Variants in RTN4 observed in about 807,000 individuals in gnomAD.
The protein encoded by RTN4 is reticulon-4.
Under a neutral mutation model 90.4 loss-of-function variants are expected in RTN4, and 32 were observed. The ratio of observed to expected loss-of-function variants is 0.35; its 90% CI spans 0.27 to 0.48. The LOEUF is 0.48. RTN4 is among the 20% of genes least tolerant of loss of function. RTN4 has a pLI of 0.99. For synonymous variants in RTN4, 629 were observed against 552.5 expected, an observed-to-expected ratio of 1.14 and a Z score of -1.94; for missense variants, 1,706 against 1,430.2, an observed-to-expected ratio of 1.19 and a Z score of -3.11.
Position 55,026,115 on chromosome 2 carries a change from C to A in RTN4, c.1984G>T (p.Ala662Ser). The A allele has an allele frequency of 1.2e-6, 2 of 1,613,408 alleles. No homozygotes were observed. The highest frequency in any genetic ancestry group is 2.2e-5 in the East Asian group (1 of 44,874). Residue 662 changes from alanine to serine, a missense_variant, in exon 3 of 9, where the codon GCC becomes TCC. By Grantham distance (99) the Ala-to-Ser change is moderately conservative. Coordinates refer to ENST00000337526, the MANE Select transcript of RTN4 (RefSeq NM_020532.5). The part of the protein sequence containing the change: ...EPENPPPYEE[A>S]MSVSLKKVSG... ...ACTTTTTTTAGTGATACACTCATGG[C>A]CTCTTCATATGGTGGGGGGTTTTCA...
chr2:55,135,083 T>C, the RTN4 span, among the ~76,000 whole-genome samples: 7 of 152,120 alleles, frequency 4.6e-5, no homozygotes, highest in Non-Finnish European at 8.8e-5. Context: ...CTGGGCAACA[T>C]AGTGAGACTC....
At chr2:55,085,420 C>T (rs1668818954) in intron 1 of RTN4, among the ~76,000 whole-genome samples, 1 of 152,140 alleles carries the variant, frequency 6.6e-6, no homozygotes. Flanking sequence ...GCCTGGAGAC[C>T]TGGAGAGGAG....
At chr2:55,049,574 G>T in intron 1 of RTN4, 171 bp downstream of exon 1, 2 of 1,102,684 alleles carry the variant, frequency 1.8e-6, no homozygotes, top group Non-Finnish European at 2.7e-6. Context: ...TCCAAGGGCC[G>T]CCCCACCCTT....
At chr2:55,107,746 T>C (rs1445162157) in intron 1 of RTN4, among the ~76,000 whole-genome samples, 1 of 152,016 alleles carries the variant, frequency 6.6e-6, no homozygotes, top group African/African-American at 2.4e-5. Context: ...TCTGTGCCAC[T>C]CCCCAGACAA....
chr2:55,053,301 T>C (rs890598880), upstream of RTN4, among the ~76,000 whole-genome samples: 8 of 152,206 alleles, frequency 5.3e-5, no homozygotes, highest in South Asian at 6.2e-4. Context: ...ACTAACAAAA[T>C]TCTGGTGGAC....
rs202240754 is a variant in RTN4 at position 55,025,961 on chromosome 2, G to A, written c.2138C>T (p.Pro713Leu). The A allele has an allele frequency of 1.1e-4, 184 of 1,612,950 alleles. No homozygotes were observed. Among genetic ancestry groups the A allele is most frequent in the Non-Finnish European group, 1.4e-4 (171 of 1,179,794 alleles). ...KETKLSAEPA[P>L]DFSDYSEMAK... Reference sequence around the variant, plus strand: ...CATTTCTGAATAATCAGAGAAATCCGGAGCTGGTTCAGCAGAAAGCTTTGT... The same window carrying A: ...CATTTCTGAATAATCAGAGAAATCCAGAGCTGGTTCAGCAGAAAGCTTTGT... The change falls in exon 3 of 9, where the codon CCG becomes CTG. Residue 713 changes from proline (P) to leucine (L), a missense_variant. Pro to Leu is a moderately conservative substitution (Grantham distance 98). Transcript: ENST00000337526.
At chr2:54,977,249 A>ACT (rs1335850293) in intron 5 of RTN4, among the ~76,000 whole-genome samples, 1 of 151,868 alleles carries the variant, frequency 6.6e-6, no homozygotes, top group East Asian at 1.9e-4. Context: ...GGTAGTTTGG[A>ACT]CTCTCTCTAT....
chr2:55,097,450 G>T (rs1200258624), intron 1 of RTN4, among the ~76,000 whole-genome samples: 1 of 152,066 alleles, frequency 6.6e-6, no homozygotes, highest in Non-Finnish European at 1.5e-5. Context: ...TACTCTAAGA[G>T]AATAATAGAA....
chr2:55,077,815 C>G (rs1426202483), intron 2 of RTN4, among the ~76,000 whole-genome samples: 1 of 147,996 alleles, frequency 6.8e-6, no homozygotes, highest in African/African-American at 2.5e-5. Flanking sequence ...TAATACTACT[C>G]GGCCATAAAA....
intron 3 of RTN4, among the ~76,000 whole-genome samples, chr2:55,019,822 C>T (rs1162041338): frequency 6.6e-6 from 1 of 151,828 alleles, no homozygotes; most frequent in African/African-American, 2.4e-5. Context: ...TAAAGAAAAA[C>T]CTAAAGACTA....
chr2:55,051,134 G>C (rs907466486), upstream of RTN4, among the ~76,000 whole-genome samples: 1 of 152,148 alleles, frequency 6.6e-6, no homozygotes, highest in African/African-American at 2.4e-5. Flanking sequence ...AGTCTAAACC[G>C]CAGCCCCCGA....
intron 1 of RTN4, among the ~76,000 whole-genome samples, chr2:55,043,520 A>C (rs1225102354): frequency 6.6e-6 from 1 of 152,206 alleles, no homozygotes; most frequent in African/African-American, 2.4e-5. Context: ...TCAGAAGTCG[A>C]GGTGGGAGAA....
chr2:55,108,718 G>C (rs1667986702), intron 1 of RTN4, among the ~76,000 whole-genome samples: 3 of 151,936 alleles, frequency 2.0e-5, no homozygotes, highest in Admixed American at 2.0e-4. Context: ...ATTTAGGTTG[G>C]CACAAAAGTA....
chr2:55,093,994 T>C (rs528014115), intron 1 of RTN4, among the ~76,000 whole-genome samples: 10 of 152,342 alleles, frequency 6.6e-5, no homozygotes, highest in Admixed American at 2.0e-4. Context: ...CGATCACTAA[T>C]ATCCTACACT....
the RTN4 span, among the ~76,000 whole-genome samples, chr2:55,134,762 C>T: frequency 4.6e-5 from 7 of 151,910 alleles, no homozygotes; most frequent in African/African-American, 1.2e-4. Flanking sequence ...TTGGGCCCAC[C>T]GAAAAGGGCT....
chr2:55,030,596 C>T (rs1157274477), intron 1 of RTN4, among the ~76,000 whole-genome samples: 1 of 152,080 alleles, frequency 6.6e-6, no homozygotes, highest in Admixed American at 6.6e-5. Flanking sequence ...TAAGAGTACC[C>T]ACCTAAAAAT....
chr2:54,975,771 A>G (rs1677577159), intron 5 of RTN4, among the ~76,000 whole-genome samples: 1 of 152,248 alleles, frequency 6.6e-6, no homozygotes, highest in Non-Finnish European at 1.5e-5. Context: ...AAGCATATTT[A>G]TTACAGCTTA....
intron 1 of RTN4, chr2:55,049,540 C>A (rs1175538350): frequency 1.2e-6 from 1 of 807,172 alleles, no homozygotes; most frequent in Non-Finnish European, 2.1e-6. Context: ...GAAACCAAGA[C>A]GGACAATAAG....
At chr2:55,041,410 G>C (rs1349198465) in intron 1 of RTN4, among the ~76,000 whole-genome samples, 1 of 151,976 alleles carries the variant, frequency 6.6e-6, no homozygotes, top group Admixed American at 6.6e-5. Flanking sequence ...ATTTTAAGAT[G>C]AAGTAGAAAA....
Sources: gnomAD v4.1 joint callset for allele counts (sites outside exome capture counted in the v4.1 genomes callset) on GRCh38, gnomAD v4.1.1 for gene constraint, MANE v1.5 for transcripts, NCBI Gene and HGNC (gene_info 2026-07-23, HGNC 2026-07-21) for gene names.